Variants in LRP1B observed in about 807,000 individuals in gnomAD.
LRP1B encodes LDL receptor related protein 1B, also known as low-density lipoprotein receptor-related protein 1B.
A neutral mutation model predicts 556.6 loss-of-function variants in LRP1B; 217 were observed. The ratio of observed to expected loss-of-function variants is 0.39; its 90% CI spans 0.35 to 0.44. The LOEUF is 0.44. Among genes scored for constraint, LRP1B ranks in the 20% least tolerant of loss-of-function variants. LRP1B has a pLI of 1.00. For missense variants in LRP1B, 5,053 were observed against 5,620.8 expected, an observed-to-expected ratio of 0.90 and a Z score of 3.23; for synonymous variants, 2,047 against 1,865.8, an observed-to-expected ratio of 1.10 and a Z score of -2.50.
At chr2:141,891,563 C>A (rs1438261877) in intron 1 of LRP1B, among the ~76,000 whole-genome samples, 1 of 151,960 alleles carries the variant, frequency 6.6e-6, no homozygotes, top group African/African-American at 2.4e-5. Context: ...TAGAATACTA[C>A]CAATTAAAAT....
In LRP1B at chr2:142,031,330, ATTTT is replaced by A. The variant is rs560363480; in HGVS notation, c.82+99314_82+99317del. Among the ~76,000 whole-genome samples, 22 of 117,038 alleles carry A rather than the reference ATTTT, an allele frequency of 1.9e-4. 1 individual carries two copies. The highest frequency in any genetic ancestry group is 5.9e-4 in the African/African-American group (20 of 33,944). 76.8% of individuals were successfully genotyped at this position (117,038 alleles called of 152,430 possible). ...ATTTAGAGAAAGGTTGATTATACTT[ATTTT>A]TTTTTTTTTTTTTTATTATACTCTA... On this transcript the variant is annotated intron_variant, in intron 1 of 90. Coordinates refer to ENST00000389484, the MANE Select transcript of LRP1B (RefSeq NM_018557.3).
intron 2 of LRP1B, among the ~76,000 whole-genome samples, chr2:141,589,759 G>A (rs1284916174): frequency 6.6e-6 from 1 of 152,076 alleles, no homozygotes; most frequent in East Asian, 1.9e-4. Flanking sequence ...TTGTCATATG[G>A]CTAAATCCTG....
chr2:141,349,136 C>T (rs1402923857), intron 3 of LRP1B, among the ~76,000 whole-genome samples: 3 of 151,936 alleles, frequency 2.0e-5, no homozygotes, highest in African/African-American at 7.3e-5. Context: ...CAGGATACTT[C>T]CAAGGATCCA....
intron 1 of LRP1B, among the ~76,000 whole-genome samples, chr2:141,825,226 A>T (rs1194612566): frequency 1.3e-5 from 2 of 152,216 alleles, no homozygotes; most frequent in Non-Finnish European, 2.9e-5. Context: ...ATTTATTTAC[A>T]GCTTTGTGAA....
intron 7 of LRP1B, among the ~76,000 whole-genome samples, chr2:141,155,491 TTTTTA>T (rs1040154685): frequency 1.3e-5 from 2 of 151,778 alleles, no homozygotes; most frequent in African/African-American, 2.4e-5. Flanking sequence ...TTATTATTTT[TTTTTA>T]TTTTAAGTTC....
At chr2:140,551,821 G>C (rs968106233) in intron 43 of LRP1B, among the ~76,000 whole-genome samples, 4 of 152,220 alleles carry the variant, frequency 2.6e-5, no homozygotes, top group South Asian at 4.1e-4. Flanking sequence ...CATTTTACCA[G>C]AATTCATGAG....
chr2:141,317,885 G>A (rs1416535848), intron 3 of LRP1B, among the ~76,000 whole-genome samples: 1 of 152,010 alleles, frequency 6.6e-6, no homozygotes, highest in African/African-American at 2.4e-5. Context: ...TATCTTTGAG[G>A]TCATGGGTTC....
chr2:141,584,923 A>G (rs1687084046), intron 2 of LRP1B, among the ~76,000 whole-genome samples: 1 of 152,126 alleles, frequency 6.6e-6, no homozygotes, highest in Admixed American at 6.5e-5. Flanking sequence ...TTGTTGTTCA[A>G]TGGGTACAGA....
intron 3 of LRP1B, among the ~76,000 whole-genome samples, chr2:141,471,898 A>G (rs1438774442): frequency 6.6e-6 from 1 of 152,192 alleles, no homozygotes; most frequent in African/African-American, 2.4e-5. Flanking sequence ...CACTATCAAG[A>G]TGAGAAAGAT....
intron 1 of LRP1B, among the ~76,000 whole-genome samples, chr2:141,862,027 A>G (rs1698262882): frequency 1.3e-5 from 2 of 152,212 alleles, no homozygotes; most frequent in South Asian, 2.1e-4. Context: ...GCACAAACCT[A>G]TATATAAAAT....
At chr2:141,187,844 T>G (rs1054093098) in intron 7 of LRP1B, among the ~76,000 whole-genome samples, 1 of 151,338 alleles carries the variant, frequency 6.6e-6, no homozygotes, top group African/African-American at 2.4e-5. Flanking sequence ...AATTGGGAAG[T>G]TAAAAAAAAA....
intron 2 of LRP1B, among the ~76,000 whole-genome samples, chr2:141,597,302 T>C (rs1480531298): frequency 1.3e-5 from 2 of 151,986 alleles, no homozygotes; most frequent in East Asian, 3.9e-4. Context: ...TCTAGCTCAA[T>C]CTACTTCTGT....
At chr2:141,871,922 A>G (rs559072340) in intron 1 of LRP1B, among the ~76,000 whole-genome samples, 2 of 152,090 alleles carry the variant, frequency 1.3e-5, no homozygotes, top group East Asian at 1.9e-4. Flanking sequence ...AGGAGGAAAT[A>G]TACCCTAACT....
intron 31 of LRP1B, among the ~76,000 whole-genome samples, chr2:140,822,177 G>A (rs1691352442): frequency 6.6e-6 from 1 of 152,088 alleles, no homozygotes; most frequent in South Asian, 2.1e-4. Flanking sequence ...AGAAATCACT[G>A]TCATCAGTAA....
At chr2:141,815,638 T>TA (rs890248876) in intron 1 of LRP1B, among the ~76,000 whole-genome samples, 4 of 151,850 alleles carry the variant, frequency 2.6e-5, no homozygotes, top group African/African-American at 7.3e-5. Context: ...GAGGGAGGAT[T>TA]AAAAAAAGGG....
intron 3 of LRP1B, among the ~76,000 whole-genome samples, chr2:141,411,610 G>A (rs1197201881): frequency 6.6e-6 from 1 of 152,072 alleles, no homozygotes; most frequent in African/African-American, 2.4e-5. Context: ...CAGATGTTCT[G>A]ATGGTTTATG....
chr2:141,544,490 A>T (rs1685482877), intron 2 of LRP1B, among the ~76,000 whole-genome samples: 1 of 147,782 alleles, frequency 6.8e-6, no homozygotes, highest in Admixed American at 6.9e-5. Context: ...TATGTTGTGC[A>T]ATCAGGTCTT....
intron 60 of LRP1B, among the ~76,000 whole-genome samples, chr2:140,459,833 G>C (rs947659007): frequency 6.6e-6 from 1 of 151,894 alleles, no homozygotes; most frequent in Non-Finnish European, 1.5e-5. Context: ...GCTAGTGAGT[G>C]AGTTCTCACG....
At chr2:141,463,780 A>T (rs1352594522) in intron 3 of LRP1B, among the ~76,000 whole-genome samples, 2 of 145,926 alleles carry the variant, frequency 1.4e-5, no homozygotes, top group Non-Finnish European at 3.0e-5. Flanking sequence ...ATTTCAACAA[A>T]TATTTATCCT....
Sources: allele counts gnomAD v4.1 joint callset (sites outside exome capture counted in the v4.1 genomes callset), GRCh38; gene constraint gnomAD v4.1.1; transcripts MANE v1.5; gene names NCBI Gene and HGNC (gene_info 2026-07-23, HGNC 2026-07-21).